Variants in HNRNPC observed in about 807,000 individuals in gnomAD.
HNRNPC encodes heterogeneous nuclear ribonucleoproteins C1/C2.
Under a neutral mutation model 33.2 loss-of-function variants are expected in HNRNPC, and 3 were observed. The observed-to-expected ratio is 0.09, with a 90% CI of 0.04 to 0.23. The LOEUF (loss-of-function observed/expected upper bound fraction) is 0.23, where lower values mean the gene tolerates loss of function less well. Among genes scored for constraint, HNRNPC ranks in the 10% least tolerant of loss-of-function variants. The probability of loss-of-function intolerance (pLI) is 1.00; values close to 1 mark genes in which losing one functional copy is unlikely to be tolerated. For synonymous variants in HNRNPC, 121 were observed against 126.7 expected (o/e 0.96, Z 0.30); for missense variants, 143 against 366.7 (o/e 0.39, Z 4.98).
chr14:21,227,586 ATTG>A (rs1247762874), intron 5 of HNRNPC, among the ~76,000 whole-genome samples: 1 of 152,216 alleles, frequency 6.6e-6, no homozygotes, highest in Non-Finnish European at 1.5e-5. Flanking sequence ...AACCTAATAT[ATTG>A]TTGTCTATTG....
chr14:21,230,721 G>C (rs888484148), intron 4 of HNRNPC: 28 of 494,002 alleles, frequency 5.7e-5, no homozygotes, highest in Non-Finnish European at 9.2e-5. Flanking sequence ...AAGTATTTCA[G>C]GTTATGCTAT....
At chr14:21,254,060 C>CAAAA (rs575132536) in intron 2 of HNRNPC, among the ~76,000 whole-genome samples, 1 of 52,000 alleles carries the variant, frequency 1.9e-5, no homozygotes, top group Non-Finnish European at 4.0e-5. Context: ...GATTCCGTCT[C>CAAAA]AAAAAAAAAA....
intron 1 of HNRNPC, 54 bp downstream of exon 1, chr14:21,269,244 C>A (rs45479099): frequency 0.011 from 1,659 of 152,320 alleles, 10 homozygotes; most frequent in Non-Finnish European, 0.017. Flanking sequence ...CCCACACCCC[C>A]TCTCGCTTCC....
chr14:21,241,841 G>T lies in HNRNPC; in HGVS notation c.-36-7612C>A, dbSNP rs537081626. Among the ~76,000 whole-genome samples, 9 of 152,252 alleles carry T rather than the reference G, an allele frequency of 5.9e-5. 1 individual carries two copies. The East Asian group carries it at 1.7e-3, about 29-fold the overall frequency. ...TCTCTGAGAAAACAGTAATACCTGG[G>T]GATATTACTAAGACATTTTCAGCCT... On this transcript the variant is annotated intron_variant, in intron 2 of 8. Coordinates refer to ENST00000553300, the MANE Select transcript of HNRNPC (RefSeq NM_004500.4).
At chr14:21,239,487 AAT>A (rs1895104292) in intron 2 of HNRNPC, among the ~76,000 whole-genome samples, 1 of 152,052 alleles carries the variant, frequency 6.6e-6, no homozygotes, top group Non-Finnish European at 1.5e-5. Context: ...TCAAAAAAAA[AAT>A]GTCCTCAACA....
chr14:21,259,205 T>C (rs1291455589), intron 2 of HNRNPC, among the ~76,000 whole-genome samples: 2 of 152,192 alleles, frequency 1.3e-5, no homozygotes, highest in Non-Finnish European at 2.9e-5. Context: ...ATGGTTTTCT[T>C]ACAGAATGAG....
At chr14:21,258,377 G>C (rs764057671) in intron 2 of HNRNPC, among the ~76,000 whole-genome samples, 41 of 149,436 alleles carry the variant, frequency 2.7e-4, no homozygotes, top group African/African-American at 8.6e-4. Context: ...GTGACAGAGC[G>C]AGACTATGTC....
Position 21,217,106 on chromosome 14 carries a change from G to A in HNRNPC, c.366-3989C>T, listed in dbSNP as rs115206800. 6.1e-3 allele frequency among the ~76,000 whole-genome samples: 935 copies of A among 152,208 alleles called. 12 individuals carry two copies. Among genetic ancestry groups the A allele is most frequent in the African/African-American group, 0.02 (820 of 41,510 alleles). On this transcript the variant is annotated intron_variant, in intron 5 of 8. Transcript: ENST00000553300. ...AAAAATATTTCAAAATATTTCAGCC[G>A]GTGGGGCTTTTAGTTACAAAGAATG...
intron 2 of HNRNPC, among the ~76,000 whole-genome samples, chr14:21,244,246 A>T (rs1200638574): frequency 3.3e-5 from 5 of 151,972 alleles, no homozygotes; most frequent in South Asian, 2.1e-4. Context: ...TGATCCGCCG[A>T]CCTCCACGTT....
chr14:21,233,500 T>G (rs911981315), intron 3 of HNRNPC, among the ~76,000 whole-genome samples: 16 of 152,228 alleles, frequency 1.1e-4, no homozygotes, highest in Admixed American at 7.9e-4. Flanking sequence ...CTGGCTTGAA[T>G]AAACCAAATC....
At chr14:21,241,152 C>CG (rs939808646) in intron 2 of HNRNPC, among the ~76,000 whole-genome samples, 25 of 147,800 alleles carry the variant, frequency 1.7e-4, no homozygotes, top group Middle Eastern at 3.3e-3. Context: ...CCCAGCTACT[C>CG]GGGGGGCTGA....
At chr14:21,248,247 T>C (rs1566632250) in intron 2 of HNRNPC, among the ~76,000 whole-genome samples, 1 of 152,152 alleles carries the variant, frequency 6.6e-6, no homozygotes, top group South Asian at 2.1e-4. Flanking sequence ...GGTTTTGCCA[T>C]GTTGCCCAAA....
chr14:21,223,307 G>A (rs541272264), intron 5 of HNRNPC, among the ~76,000 whole-genome samples: 3 of 152,174 alleles, frequency 2.0e-5, no homozygotes, highest in African/African-American at 7.2e-5. Flanking sequence ...GGTAAAAATG[G>A]AATCAAGACC....
intron 2 of HNRNPC, among the ~76,000 whole-genome samples, chr14:21,261,363 GAAGA>G (rs1458746190): frequency 6.6e-6 from 1 of 152,054 alleles, no homozygotes; most frequent in Non-Finnish European, 1.5e-5. Flanking sequence ...CAGCAGCAAA[GAAGA>G]AAAAATAGCT....
At chr14:21,239,986 C>T (rs931663689) in intron 2 of HNRNPC, among the ~76,000 whole-genome samples, 1 of 152,170 alleles carries the variant, frequency 6.6e-6, no homozygotes, top group African/African-American at 2.4e-5. Flanking sequence ...ATTACAGGTT[C>T]TTATTCCTGT....
intron 2 of HNRNPC, among the ~76,000 whole-genome samples, chr14:21,240,863 G>A (rs892874871): frequency 1.8e-4 from 27 of 152,116 alleles, no homozygotes; most frequent in African/African-American, 5.8e-4. Context: ...TAAACATGCT[G>A]TCACTTTCAC....
At chr14:21,222,311 A>G (rs983097599) in intron 5 of HNRNPC, among the ~76,000 whole-genome samples, 6 of 152,172 alleles carry the variant, frequency 3.9e-5, no homozygotes, top group Admixed American at 3.9e-4. Context: ...CTAGGTATAT[A>G]TACTCAAAAG....
chr14:21,260,125 G>A (rs1411437656), intron 2 of HNRNPC, among the ~76,000 whole-genome samples: 1 of 145,168 alleles, frequency 6.9e-6, no homozygotes, highest in African/African-American at 2.6e-5. Flanking sequence ...GCGTGAACCT[G>A]GGAGGCAGAG....
At chr14:21,236,419 A>C (rs1187502847) in intron 2 of HNRNPC, 2 of 152,244 alleles carry the variant, frequency 1.3e-5, no homozygotes, top group African/African-American at 4.8e-5. Context: ...AGACAGACGT[A>C]CTCACAATAC....
Sources: allele counts gnomAD v4.1 joint callset (sites outside exome capture counted in the v4.1 genomes callset), GRCh38; gene constraint gnomAD v4.1.1; transcripts MANE v1.5; gene names NCBI Gene and HGNC (gene_info 2026-07-23, HGNC 2026-07-21).